Variants in PPP2CB observed in about 807,000 individuals in gnomAD.
PPP2CB encodes protein phosphatase 2 catalytic subunit beta, also known as serine/threonine-protein phosphatase 2A catalytic subunit beta isoform.
PPP2CB carries 18 observed loss-of-function variants against 39.1 expected under a neutral mutation model. The ratio of observed to expected loss-of-function variants is 0.46; its 90% CI spans 0.32 to 0.68. The LOEUF is 0.68. Ranked by LOEUF, PPP2CB falls within the 30% of genes least tolerant of loss-of-function variation. The probability of loss-of-function intolerance (pLI) is 0.04; values close to 1 mark genes in which losing one functional copy is unlikely to be tolerated. For missense variants in PPP2CB, 226 were observed against 396.9 expected (o/e 0.57, Z 3.66); for synonymous variants, 129 against 133.8 (o/e 0.96, Z 0.25).
intron 1 of PPP2CB, among the ~76,000 whole-genome samples, chr8:30,807,014 G>C (rs1164671053): frequency 1.3e-5 from 2 of 152,192 alleles, no homozygotes; most frequent in African/African-American, 4.8e-5. Flanking sequence ...TGCTAGTCTA[G>C]TTTGGTTTAA....
intron 5 of PPP2CB, chr8:30,793,562 T>C (rs1157911136): frequency 5.6e-6 from 1 of 177,018 alleles, no homozygotes; most frequent in Non-Finnish European, 1.2e-5. Flanking sequence ...GGAGTATCTG[T>C]CTGCAACAGA....
At chr8:30,803,819 AT>A (rs530807091) in intron 1 of PPP2CB, among the ~76,000 whole-genome samples, 3,647 of 145,186 alleles carry the variant, frequency 0.025, 81 homozygotes, top group African/African-American at 0.066. Flanking sequence ...ACAAAATACA[AT>A]TTTTTTTTTT....
intron 1 of PPP2CB, among the ~76,000 whole-genome samples, chr8:30,808,391 G>A (rs1806760956): frequency 6.6e-6 from 1 of 151,926 alleles, no homozygotes; most frequent in African/African-American, 2.4e-5. Flanking sequence ...GAGCCACCAT[G>A]ACCAGCCGAC....
chr8:30,812,003 C>A (rs991975445), intron 1 of PPP2CB, among the ~76,000 whole-genome samples: 5 of 152,130 alleles, frequency 3.3e-5, no homozygotes, highest in Non-Finnish European at 5.9e-5. Flanking sequence ...GGAGCGCAGG[C>A]GACCCCGACC....
At chr8:30,795,456 C>A (rs1348615516) in intron 3 of PPP2CB, among the ~76,000 whole-genome samples, 1 of 152,094 alleles carries the variant, frequency 6.6e-6, no homozygotes, top group Non-Finnish European at 1.5e-5. Flanking sequence ...GTACAACTGG[C>A]GTTTCTTTAT....
intron 6 of PPP2CB, among the ~76,000 whole-genome samples, chr8:30,788,785 T>C (rs986921477): frequency 1.3e-5 from 2 of 152,240 alleles, no homozygotes; most frequent in African/African-American, 4.8e-5. Flanking sequence ...CTAGTTGTTC[T>C]ATCCAAGAGA....
At chr8:30,806,069 A>C (rs1245664023) in intron 1 of PPP2CB, among the ~76,000 whole-genome samples, 1 of 138,478 alleles carries the variant, frequency 7.2e-6, no homozygotes, top group Non-Finnish European at 1.5e-5. Context: ...TTTTTTTGAG[A>C]TGGAGTCTCC....
chr8:30,800,022 C>T (rs1806593668), intron 1 of PPP2CB, among the ~76,000 whole-genome samples: 1 of 152,188 alleles, frequency 6.6e-6, no homozygotes, highest in African/African-American at 2.4e-5. Context: ...TCTGGCAGTT[C>T]CTCCAAAGTT....
At chr8:30,803,496 G>A (rs1806660098) in intron 1 of PPP2CB, among the ~76,000 whole-genome samples, 1 of 151,558 alleles carries the variant, frequency 6.6e-6, no homozygotes, top group Admixed American at 6.6e-5. Context: ...AGTGAACTAT[G>A]ATCATGTTAC....
At chr8:30,798,014 T>C (rs1001382446) in intron 2 of PPP2CB, among the ~76,000 whole-genome samples, 2 of 152,222 alleles carry the variant, frequency 1.3e-5, no homozygotes, top group African/African-American at 4.8e-5. Context: ...CTTATATTAC[T>C]ATAATAAACT....
At chr8:30,791,959 T>C (rs527348870) in intron 5 of PPP2CB, among the ~76,000 whole-genome samples, 1 of 136,942 alleles carries the variant, frequency 7.3e-6, no homozygotes, top group African/African-American at 3.3e-5. Context: ...TGCGCATATA[T>C]GTATACGTGT....
At chr8:30,807,322 T>A (rs1806741538) in intron 1 of PPP2CB, among the ~76,000 whole-genome samples, 1 of 152,208 alleles carries the variant, frequency 6.6e-6, no homozygotes. Context: ...AAAAAAATTT[T>A]CTCAATTCAC....
chr8:30,801,671 T>C (rs1213917441), intron 1 of PPP2CB, among the ~76,000 whole-genome samples: 2 of 152,168 alleles, frequency 1.3e-5, no homozygotes, highest in East Asian at 3.8e-4. Flanking sequence ...CTGAAGAGTA[T>C]TTAAAACATG....
At chr8:30,802,659 T>A (rs1306376896) in intron 1 of PPP2CB, among the ~76,000 whole-genome samples, 1 of 152,168 alleles carries the variant, frequency 6.6e-6, no homozygotes, top group East Asian at 1.9e-4. Flanking sequence ...CTCGAAATTT[T>A]AAAAAACAAA....
chr8:30,802,078 T>TTATA (rs1234048762), intron 1 of PPP2CB, among the ~76,000 whole-genome samples: 1 of 152,212 alleles, frequency 6.6e-6, no homozygotes, highest in Non-Finnish European at 1.5e-5. Flanking sequence ...CCTTTTCTGC[T>TTATA]TATAGCCTGG....
At position 30,810,529 on chromosome 8, in the gene PPP2CB, G is replaced by A. The variant is rs551790195; in HGVS notation, c.102+1791C>T. 2.6e-5 allele frequency among the ~76,000 whole-genome samples: 4 copies of A among 152,306 alleles called. No homozygotes were observed. In the East Asian group the frequency reaches 7.7e-4, roughly 29 times the overall value. ...ACACTTTACCCATAACTTCAAGTCT[G>A]TATTCTGATGCTCATAGTCAGGTTA... On this transcript the variant is annotated intron_variant, in intron 1 of 6. Coordinates refer to ENST00000221138, the MANE Select transcript of PPP2CB (RefSeq NM_001009552.2).
intron 6 of PPP2CB, 150 bp from the exon 7 acceptor site, chr8:30,786,457 C>T (rs1586118829): frequency 1.8e-6 from 1 of 550,248 alleles, no homozygotes; most frequent in East Asian, 3.0e-5. Context: ...GGGCAAATCA[C>T]TGCAGATGCT....
At chr8:30,804,100 C>T (rs1806677745) in intron 1 of PPP2CB, among the ~76,000 whole-genome samples, 1 of 152,146 alleles carries the variant, frequency 6.6e-6, no homozygotes, top group African/African-American at 2.4e-5. Flanking sequence ...AGATTACAGG[C>T]ATAAGCCACT....
At chr8:30,805,964 A>G (rs1723193051) in intron 1 of PPP2CB, among the ~76,000 whole-genome samples, 1 of 152,190 alleles carries the variant, frequency 6.6e-6, no homozygotes, top group African/African-American at 2.4e-5. Flanking sequence ...ACCAGTTCTA[A>G]GCTTGAGTGC....
Sources: allele counts gnomAD v4.1 joint callset (sites outside exome capture counted in the v4.1 genomes callset), GRCh38; gene constraint gnomAD v4.1.1; transcripts MANE v1.5; gene names NCBI Gene and HGNC (gene_info 2026-07-23, HGNC 2026-07-21).